The following ZC3H12A variants were observed in gnomAD, a reference collection of about 807,000 sequenced individuals.
ZC3H12A encodes the protein endoribonuclease ZC3H12A.
In ZC3H12A, 9 loss-of-function variants were observed where a neutral mutation model predicts 29.9. That is an observed-to-expected ratio of 0.30 (90% CI 0.18 to 0.53). ZC3H12A has a LOEUF of 0.53. Ranked by LOEUF, ZC3H12A falls within the 20% of genes least tolerant of loss-of-function variation. The probability of loss-of-function intolerance (pLI) is 0.96; values close to 1 mark genes in which losing one functional copy is unlikely to be tolerated. For synonymous variants in ZC3H12A, 323 were observed against 338.1 expected, an observed-to-expected ratio of 0.96 and a Z score of 0.49; for missense variants, 617 against 799.0, an observed-to-expected ratio of 0.77 and a Z score of 2.75.
At chr1:37,480,459 CT>C in intron 3 of ZC3H12A, 30 bp downstream of exon 3, 1 of 1,599,310 alleles carries the variant, frequency 6.3e-7, no homozygotes, top group Non-Finnish European at 8.5e-7. Flanking sequence ...GTGGGATGGT[CT>C]TACTGCCCCA....
In ZC3H12A at chr1:37,483,088, A is replaced by G. The variant is rs1641747960; in HGVS notation, c.1277A>G (p.Asp426Gly). The G allele has an allele frequency of 5.6e-6, 9 of 1,611,884 alleles. No homozygotes were observed. The East Asian group carries it at 2.0e-4, about 36-fold the overall frequency. The change falls in exon 6 of 6, where the codon GAC becomes GGC. Residue 426 changes from aspartate (D) to glycine (G), a missense_variant. By Grantham distance (94) the Asp-to-Gly change is moderately conservative (BLOSUM62 -1). Transcript: ENST00000373087. ...GPTDWLPQTL[D>G]SLPYVSQDCL... is the part of the protein sequence containing the mutation. Reference sequence around the variant, plus strand: ...ACAGACTGGCTCCCACAGACGCTGGACTCACTCCCGTACGTCTCCCAGGAT... The same window carrying G: ...ACAGACTGGCTCCCACAGACGCTGGGCTCACTCCCGTACGTCTCCCAGGAT...
At position 37,475,760 on chromosome 1, in the gene ZC3H12A, C is replaced by T. The variant is rs143073159; in HGVS notation, c.264C>T (p.His88=). The T allele has an allele frequency of 2.2e-5, 36 of 1,613,700 alleles. No individual in the cohort carries two copies. In the African/African-American group the frequency reaches 3.9e-4, roughly 17 times the overall value. Reference sequence around the variant, plus strand: ...CGGTGCTGGGTGAGCTGGTGAAACACGGGACAGCCACCGAGCGGGAGCGCC... The same window carrying T: ...CGGTGCTGGGTGAGCTGGTGAAACATGGGACAGCCACCGAGCGGGAGCGCC... ...TNTVLGELVK[H]GTATERERQT... Residue 88 remains histidine (H), a synonymous_variant, in exon 2 of 6, where the codon CAC becomes CAT. Coordinates refer to ENST00000373087, the MANE Select transcript of ZC3H12A (RefSeq NM_025079.3). This position sits in a 1 kb window ranked among gnomAD's most constrained non-coding sequence, Gnocchi z 5.2.
chr1:37,478,675 A>G lies in ZC3H12A; in HGVS notation c.444-1615A>G, dbSNP rs1331290778. On this transcript the variant is annotated intron_variant, in intron 2 of 5. Transcript: ENST00000373087. The surrounding 1 kb of genome is among the most constrained non-coding windows in gnomAD (Gnocchi z 5.2). ...GGCTTGCGTCTCTCTTCCACCGTTAACTGCTGTGTGACCCTGGTGACTAAG... is the reference window on the plus strand; with the variant it reads ...GGCTTGCGTCTCTCTTCCACCGTTAGCTGCTGTGTGACCCTGGTGACTAAG... 5.1e-6 allele frequency: 1 copy of G among 196,698 alleles called. No homozygotes were observed. The highest frequency in any genetic ancestry group is 6.5e-5 in the Admixed American group (1 of 15,298). The allele number at this position is 196,698 out of a possible 1,614,324, so 12.2% of individuals were successfully genotyped here. A position where few individuals can be genotyped will look rare whatever the true frequency, so the allele number is the denominator to read the frequency against.
chr1:37,478,857 A>G lies in ZC3H12A; in HGVS notation c.444-1433A>G. 1.0e-6 allele frequency: 1 copy of G among 985,396 alleles called. No homozygotes were observed. The highest frequency in any genetic ancestry group is 1.2e-6 in the Non-Finnish European group (1 of 829,916). 61.0% of individuals were successfully genotyped at this position (985,396 alleles called of 1,614,324 possible). A position where few individuals can be genotyped will look rare whatever the true frequency, so the allele number is the denominator to read the frequency against. Reference sequence around the variant, plus strand: ...GCAAATGGGAACTTTTATTATAAGCAGGCTGGCAGATGTGGCAGAGGGACC... The same window carrying G: ...GCAAATGGGAACTTTTATTATAAGCGGGCTGGCAGATGTGGCAGAGGGACC... On this transcript the variant is annotated intron_variant, in intron 2 of 5. Coordinates refer to ENST00000373087, the MANE Select transcript of ZC3H12A (RefSeq NM_025079.3). The surrounding 1 kb of genome is among the most constrained non-coding windows in gnomAD (Gnocchi z 5.2).
chr1:37,481,229 C>T (rs1641695012), intron 3 of ZC3H12A, among the ~76,000 whole-genome samples: 10 of 152,210 alleles, frequency 6.6e-5, no homozygotes, highest in Admixed American at 6.5e-4. Context: ...CTTCTCCCAC[C>T]CCAGAGCAAG....
At position 37,482,834 on chromosome 1, in the gene ZC3H12A, T is replaced by A. The variant is rs763252083; in HGVS notation, c.1023T>A (p.Ala341=). ...TGGCAGATGAGCTCCGTGCCAATGC[T>A]CTCCTCTCACCCCCCAGAGCCCCAA... ...RSVADELRAN[A]LLSPPRAPSK... Residue 341 remains alanine (A), a synonymous_variant, in exon 6 of 6, where the codon GCT becomes GCA. Coordinates refer to ENST00000373087, the MANE Select transcript of ZC3H12A (RefSeq NM_025079.3). 2.8e-5 allele frequency: 45 copies of A among 1,613,524 alleles called. No individual in the cohort carries two copies. Among genetic ancestry groups the A allele is most frequent in the Non-Finnish European group, 3.6e-5 (43 of 1,179,964 alleles).
In ZC3H12A at chr1:37,479,745, G is replaced by GAAC. The variant is rs1247073973; in HGVS notation, c.444-542_444-540dup. The GAAC allele has an allele frequency of 1.0e-6, 1 of 985,282 alleles. No homozygotes were observed. Among genetic ancestry groups the GAAC allele is most frequent in the African/African-American group, 1.7e-5 (1 of 57,206 alleles). The allele number at this position is 985,282 out of a possible 1,614,324, so 61.0% of individuals were successfully genotyped here. On this transcript the variant is annotated intron_variant, in intron 2 of 5. Coordinates refer to ENST00000373087, the MANE Select transcript of ZC3H12A (RefSeq NM_025079.3). This position sits in a 1 kb window ranked among gnomAD's most constrained non-coding sequence, Gnocchi z 4.5. ...TGTGTGAGGACTGAACTTTAATCCG[G>GAAC]AACAATCTGGTTTCTCCTCGGTCAG...
chr1:37,482,635 C>T (rs1436192561), intron 5 of ZC3H12A, 95 bp downstream of exon 5: 1 of 1,608,290 alleles, frequency 6.2e-7, no homozygotes, highest in South Asian at 1.1e-5. Context: ...GGGACCTCCA[C>T]CATTGGACCA....
At position 37,482,767 on chromosome 1, in the gene ZC3H12A, G is replaced by A. The variant is rs1191706482; in HGVS notation, c.956G>A (p.Arg319Gln). The A allele has an allele frequency of 3.1e-6, 5 of 1,613,938 alleles. No homozygotes were observed. Among genetic ancestry groups the A allele is most frequent in the Non-Finnish European group, 3.4e-6 (4 of 1,180,034 alleles). ...GRKCTYGIKC[R>Q]FFHPERPSCP... ...AAATGCACCTATGGGATCAAGTGCC[G>A]ATTCTTCCACCCAGAGCGGCCAAGC... is the stretch of plus-strand genomic sequence containing the variant. The change falls in exon 6 of 6, where the codon CGA (arginine) becomes CAA (glutamine). Residue 319 changes from arginine to glutamine, a missense_variant. Transcript: ENST00000373087.
rs938200406 is a variant in ZC3H12A at position 37,479,037 on chromosome 1, C to A, written c.444-1253C>A. The A allele has an allele frequency of 1.0e-6, 1 of 985,258 alleles. No individual in the cohort carries two copies. The highest frequency in any genetic ancestry group is 1.2e-6 in the Non-Finnish European group (1 of 829,930). 61.0% of individuals were successfully genotyped at this position (985,258 alleles called of 1,614,324 possible). A position where few individuals can be genotyped will look rare whatever the true frequency, so the allele number is the denominator to read the frequency against. On this transcript the variant is annotated intron_variant, in intron 2 of 5. Coordinates refer to ENST00000373087, the MANE Select transcript of ZC3H12A (RefSeq NM_025079.3). The surrounding 1 kb of genome is among the most constrained non-coding windows in gnomAD (Gnocchi z 4.5). ...CTTCTCTTAGGGCTCCAGCTATCAC[C>A]CCTTACCTCCCCCACTCCCATTAAA...
chr1:37,482,773 T>A lies in ZC3H12A; in HGVS notation c.962T>A (p.Phe321Tyr). 6.2e-7 allele frequency: 1 copy of A among 1,614,112 alleles called. No individual in the cohort carries two copies. Among genetic ancestry groups the A allele is most frequent in the Non-Finnish European group, 8.5e-7 (1 of 1,180,022 alleles). The change falls in exon 6 of 6, where the codon TTC becomes TAC. Residue 321 changes from phenylalanine to tyrosine, a missense_variant. By Grantham distance (22) the Phe-to-Tyr change is conservative. This residue lies in a region of ZC3H12A where 255 missense variants were observed against 402.5 expected (regional missense o/e 0.63). Transcript: ENST00000373087. Reference sequence around the variant, plus strand: ...ACCTATGGGATCAAGTGCCGATTCTTCCACCCAGAGCGGCCAAGCTGCCCC... The same window carrying A: ...ACCTATGGGATCAAGTGCCGATTCTACCACCCAGAGCGGCCAAGCTGCCCC... ...KCTYGIKCRF[F>Y]HPERPSCPQR...
In ZC3H12A at chr1:37,474,610, C is replaced by A. The variant is rs1264077283; in HGVS notation, c.-58C>A. 1 of 152,022 alleles carries A rather than the reference C, an allele frequency of 6.6e-6. No individual in the cohort carries two copies. Among genetic ancestry groups the A allele is most frequent in the Non-Finnish European group, 1.5e-5 (1 of 68,026 alleles). 9.4% of individuals were successfully genotyped at this position (152,022 alleles called of 1,614,324 possible). A position where few individuals can be genotyped will look rare whatever the true frequency, so the allele number is the denominator to read the frequency against. On this transcript the variant is annotated 5_prime_UTR_variant, in exon 1 of 6. Coordinates refer to ENST00000373087, the MANE Select transcript of ZC3H12A (RefSeq NM_025079.3). Reference sequence around the variant, plus strand: ...TCGGCCCCATGGAGACGCCGCCGGCCGCCGCTGGCGCATGGCGGGGTGAGG... The same window carrying A: ...TCGGCCCCATGGAGACGCCGCCGGCAGCCGCTGGCGCATGGCGGGGTGAGG...
Position 37,474,953 on chromosome 1 carries a change from C to G in ZC3H12A, c.-39+324C>G, listed in dbSNP as rs1180223058. ...AGTTTTCCAGCAACTTTTCTCCCCA[C>G]GGGTCACCCCAGAAACTTGCCCTCC... On this transcript the variant is annotated intron_variant, in intron 1 of 5. Transcript: ENST00000373087. Among the ~76,000 whole-genome samples the G allele has an allele frequency of 5.3e-5, 8 of 152,242 alleles. 1 individual carries two copies. The South Asian group carries it at 1.7e-3, about 31-fold the overall frequency.
In ZC3H12A at chr1:37,475,015, C is replaced by T. The variant is rs1457453131; in HGVS notation, c.-39+386C>T. Reference sequence around the variant, plus strand: ...AGTCCGGCCATGGGCCTTGCGCTGCCTGGGCCTGAGCTCTGAGTGCCGGAC... The same window carrying T: ...AGTCCGGCCATGGGCCTTGCGCTGCTTGGGCCTGAGCTCTGAGTGCCGGAC... On this transcript the variant is annotated intron_variant, in intron 1 of 5. Transcript: ENST00000373087. This position sits in a 1 kb window ranked among gnomAD's most constrained non-coding sequence, Gnocchi z 5.2. Among the ~76,000 whole-genome samples the T allele has an allele frequency of 2.0e-5, 3 of 152,238 alleles. No homozygotes were observed. Among genetic ancestry groups the T allele is most frequent in the African/African-American group, 7.2e-5 (3 of 41,476 alleles).
Position 37,480,358 on chromosome 1 carries a change from G to A in ZC3H12A, c.512G>A (p.Gly171Asp), listed in dbSNP as rs978654517. The A allele has an allele frequency of 1.9e-6, 3 of 1,614,092 alleles. No homozygotes were observed. The highest frequency in any genetic ancestry group is 2.5e-6 in the Non-Finnish European group (3 of 1,179,972). ...GCAGTGAACTGGTTTCTGGAGCGGG[G>A]CCACACAGACATCACAGTGTTTGTG... ...LLAVNWFLER[G>D]HTDITVFVPS... The change falls in exon 3 of 6, where the codon GGC (glycine) becomes GAC (aspartate). Residue 171 changes from glycine (G) to aspartate (D), a missense_variant. Physicochemically the swap from Gly to Asp is moderately conservative, Grantham distance 94 (BLOSUM62 -1). Transcript: ENST00000373087.
In ZC3H12A at chr1:37,478,557, G is replaced by A. The variant is rs917171444; in HGVS notation, c.444-1733G>A. On this transcript the variant is annotated intron_variant, in intron 2 of 5. Transcript: ENST00000373087. This position sits in a 1 kb window ranked among gnomAD's most constrained non-coding sequence, Gnocchi z 5.2. ...CCACCAGCGGGAGCTCAGTGCCTGC[G>A]AATCCCTGCTCATTCCCTGCGATCA... is the stretch of plus-strand genomic sequence containing the variant. Among the ~76,000 whole-genome samples, 18 of 152,242 alleles carry A rather than the reference G, an allele frequency of 1.2e-4. No individual in the cohort carries two copies. The highest frequency in any genetic ancestry group is 2.1e-4 in the South Asian group (1 of 4,812).
Position 37,479,437 on chromosome 1 carries a change from T to A in ZC3H12A, c.444-853T>A, listed in dbSNP as rs985413794. 1.9e-5 allele frequency: 19 copies of A among 985,290 alleles called. No homozygotes were observed. The highest frequency in any genetic ancestry group is 2.2e-5 in the Non-Finnish European group (18 of 829,934). 61.0% of individuals were successfully genotyped at this position (985,290 alleles called of 1,614,324 possible). A position where few individuals can be genotyped will look rare whatever the true frequency, so the allele number is the denominator to read the frequency against. On this transcript the variant is annotated intron_variant, in intron 2 of 5. Transcript: ENST00000373087. This position sits in a 1 kb window ranked among gnomAD's most constrained non-coding sequence, Gnocchi z 4.5. ...AGGCTTCCTTCTGGGTGCAGCCACC[T>A]GTGGGTGGGGCGCGGCCTCGTCTGA...
chr1:37,482,439 T>C lies in ZC3H12A; in HGVS notation c.824T>C (p.Met275Thr). Residue 275 changes from methionine to threonine, a missense_variant, in exon 5 of 6, where the codon ATG becomes ACG. Physicochemically the swap from Met to Thr is moderately conservative, Grantham distance 81 (BLOSUM62 -1). This residue lies in a region of ZC3H12A where 255 missense variants were observed against 402.5 expected (regional missense o/e 0.63). Transcript: ENST00000373087. Reference sequence around the variant, plus strand: ...GTTCTTTGCACCCTCTGCAGGTTTATGCCCCCTGATGACCCACTGGGCCGG... The same window carrying C: ...GTTCTTTGCACCCTCTGCAGGTTTACGCCCCCTGATGACCCACTGGGCCGG... ...LMYSFVNDKF[M>T]PPDDPLGRHG... 6.2e-7 allele frequency: 1 copy of C among 1,612,772 alleles called. No homozygotes were observed. The highest frequency in any genetic ancestry group is 1.3e-5 in the African/African-American group (1 of 75,014).
In ZC3H12A at chr1:37,475,908, G is replaced by A. The variant is rs1433961735; in HGVS notation, c.412G>A (p.Val138Met). Residue 138 changes from valine (V) to methionine (M), a missense_variant, in exon 2 of 6, where the codon GTG (valine) becomes ATG (methionine). Transcript: ENST00000373087. The surrounding 1 kb of genome is among the most constrained non-coding windows in gnomAD (Gnocchi z 5.2). ...AAAGGAGGGCAGCGACCTGAGACCAGTGGTCATCGATGGGAGCAACGTGGC... is the reference window on the plus strand; with the variant it reads ...AAAGGAGGGCAGCGACCTGAGACCAATGGTCATCGATGGGAGCAACGTGGC... ...EEKEGSDLRP[V>M]VIDGSNVAMS... 6.6e-6 allele frequency: 10 copies of A among 1,521,394 alleles called. No homozygotes were observed. The highest frequency in any genetic ancestry group is 8.8e-6 in the Non-Finnish European group (10 of 1,139,578). The allele number at this position is 1,521,394 out of a possible 1,614,324, so 94.2% of individuals were successfully genotyped here.
Sources: allele counts gnomAD v4.1 joint callset (sites outside exome capture counted in the v4.1 genomes callset), GRCh38; gene constraint gnomAD v4.1.1; regional missense constraint gnomAD v4.1.1; non-coding constraint Gnocchi (gnomAD v3.1); transcripts MANE v1.5; gene names NCBI Gene and HGNC (gene_info 2026-07-23, HGNC 2026-07-21).